AGR2: variants seen among roughly 807,000 people sequenced by gnomAD.
AGR2 encodes anterior gradient 2, protein disulphide isomerase family member, also known as anterior gradient protein 2 homolog.
Under a neutral mutation model 25.9 loss-of-function variants are expected in AGR2, and 27 were observed. The observed-to-expected ratio is 1.04, with a 90% confidence interval of 0.77 to 1.44. AGR2 has a LOEUF of 1.44. Among genes scored for constraint, AGR2 ranks in the 40% most tolerant of loss-of-function variants. The pLI is 0.00. For synonymous variants in AGR2, 78 were observed against 72.0 expected, an observed-to-expected ratio of 1.08 and a Z score of -0.42; for missense variants, 182 against 200.9, an observed-to-expected ratio of 0.91 and a Z score of 0.57.
chr7:16,796,365 C>G lies in AGR2; in HGVS notation c.394+1266G>C, dbSNP rs563901450. Among the ~76,000 whole-genome samples, 22 of 152,342 alleles carry G rather than the reference C, an allele frequency of 1.4e-4. No homozygotes were observed. The East Asian group carries it at 3.9e-3, about 27-fold the overall frequency. On this transcript the variant is annotated intron_variant, in intron 6 of 7. Coordinates refer to ENST00000419304, the MANE Select transcript of AGR2 (RefSeq NM_006408.4). ...GTTAGGATTCCAAATGTCCTAAATT[C>G]TGACAAAACTAAACCTATAAAATTA...
chr7:16,802,657 G>C (rs1039473595), intron 1 of AGR2, among the ~76,000 whole-genome samples: 2 of 151,962 alleles, frequency 1.3e-5, no homozygotes, highest in Non-Finnish European at 2.9e-5. Context: ...TGTAAGTTGG[G>C]ACTGTTTGTA....
At chr7:16,803,778 C>G (rs1207744493) in intron 1 of AGR2, among the ~76,000 whole-genome samples, 1 of 152,100 alleles carries the variant, frequency 6.6e-6, no homozygotes, top group African/African-American at 2.4e-5. Context: ...ATAAAGACTT[C>G]TTTGTAATGT....
intron 7 of AGR2, chr7:16,794,656 C>G: frequency 1.4e-6 from 1 of 697,030 alleles, no homozygotes; most frequent in Non-Finnish European, 2.3e-6. Flanking sequence ...GTGTACCTAA[C>G]AGAAAACCTG....
intron 4 of AGR2, 43 bp from the exon 5 acceptor site, chr7:16,799,860 G>C (rs1406651126): frequency 2.2e-6 from 3 of 1,334,140 alleles, no homozygotes; most frequent in Non-Finnish European, 3.2e-6. Flanking sequence ...TCTTAGCATT[G>C]GTTAAAAGCT....
At chr7:16,794,806 G>C (rs1202023666) in intron 7 of AGR2, 130 bp downstream of exon 7, 1 of 1,546,458 alleles carries the variant, frequency 6.5e-7, no homozygotes, top group South Asian at 1.2e-5. Context: ...GGCTAGTTAG[G>C]GTCAAACTGA....
intron 7 of AGR2, 81 bp downstream of exon 7, chr7:16,794,855 C>G (rs868230983): frequency 6.2e-7 from 1 of 1,600,854 alleles, no homozygotes; most frequent in Middle Eastern, 1.7e-4. Context: ...TCTCACCTCA[C>G]CATGCAGCCT....
intron 5 of AGR2, among the ~76,000 whole-genome samples, chr7:16,799,409 A>G (rs1157057182): frequency 6.6e-6 from 1 of 152,174 alleles, no homozygotes; most frequent in African/African-American, 2.4e-5. Context: ...TCTCTTCCCA[A>G]GAGATGACCA....
chr7:16,794,594 C>T, intron 7 of AGR2: 3 of 458,886 alleles, frequency 6.5e-6, no homozygotes, highest in East Asian at 6.6e-5. Flanking sequence ...TTAAGACATG[C>T]AGATTATTAC....
At position 16,804,779 on chromosome 7, in the gene AGR2, T is replaced by C. The variant is rs186880333; in HGVS notation, c.-8+156A>G. Reference sequence around the variant, plus strand: ...CAAAGAAAGGCCCCAGTAAGACTTTTGTGGAAATTCCATGATTTCCCTTCC... The same window carrying C: ...CAAAGAAAGGCCCCAGTAAGACTTTCGTGGAAATTCCATGATTTCCCTTCC... On this transcript the variant is annotated intron_variant, in intron 1 of 7. Coordinates refer to ENST00000419304, the MANE Select transcript of AGR2 (RefSeq NM_006408.4). Among the ~76,000 whole-genome samples, 46 of 152,334 alleles carry C rather than the reference T, an allele frequency of 3.0e-4. No homozygotes were observed. In the East Asian group the frequency reaches 8.5e-3, roughly 28 times the overall value.
At position 16,801,137 on chromosome 7, in the gene AGR2, G is replaced by C. The variant is rs111914630; in HGVS notation, c.256+14C>G. 6.2e-7 allele frequency: 1 copy of C among 1,610,292 alleles called. No homozygotes were observed. The highest frequency in any genetic ancestry group is 1.3e-5 in the African/African-American group (1 of 74,808). ...AAGCCTATAAAGGAAATCATACTTA[G>C]AAGAATAAATTACCTTGACTGTGTG... On this transcript the variant is annotated intron_variant, in intron 4 of 7. Transcript: ENST00000419304.
intron 1 of AGR2, among the ~76,000 whole-genome samples, chr7:16,803,431 C>T (rs1785182509): frequency 6.6e-6 from 1 of 152,192 alleles, no homozygotes. Flanking sequence ...GTCAAATAAA[C>T]TCTGCAAGGA....
chr7:16,796,199 G>A (rs191480180), intron 6 of AGR2, among the ~76,000 whole-genome samples: 1 of 152,282 alleles, frequency 6.6e-6, no homozygotes. Flanking sequence ...GGCTACTACG[G>A]AGCTAGAAGA....
intron 6 of AGR2, among the ~76,000 whole-genome samples, chr7:16,797,088 A>AT (rs36079988): frequency 3.0e-4 from 45 of 150,632 alleles, no homozygotes; most frequent in African/African-American, 8.8e-4. Context: ...CGCCTGGCTA[A>AT]TTTTTTTTTT....
chr7:16,803,203 A>G (rs893106050), intron 1 of AGR2: 1 of 152,146 alleles, frequency 6.6e-6, no homozygotes, highest in East Asian at 1.9e-4. Context: ...ACTAAAGCCT[A>G]TGAAAAGGAA....
intron 7 of AGR2, 27 bp from the exon 8 acceptor site, chr7:16,792,984 C>T (rs371917010): frequency 1.2e-6 from 2 of 1,605,940 alleles, no homozygotes; most frequent in African/African-American, 2.7e-5. Flanking sequence ...GCAGGAGAGT[C>T]AAGACACCAT....
intron 7 of AGR2, among the ~76,000 whole-genome samples, chr7:16,794,192 T>G (rs1159845351): frequency 6.6e-6 from 1 of 152,230 alleles, no homozygotes; most frequent in Non-Finnish European, 1.5e-5. Context: ...TGTCCGGGCA[T>G]TGAGCACTTG....
chr7:16,794,277 A>G (rs1192888800), intron 7 of AGR2, among the ~76,000 whole-genome samples: 1 of 152,238 alleles, frequency 6.6e-6, no homozygotes, highest in Non-Finnish European at 1.5e-5. Flanking sequence ...AATGGTTAAC[A>G]TATTGGACAG....
At chr7:16,797,730 T>G in intron 5 of AGR2, 36 bp from the exon 6 acceptor site, 2 of 1,587,508 alleles carry the variant, frequency 1.3e-6, no homozygotes, top group Non-Finnish European at 8.6e-7. Context: ...TAGTTTACTT[T>G]GACTTTTCAG....
In AGR2 at chr7:16,801,752, G is replaced by T. The variant is rs1785149042; in HGVS notation, c.45C>A (p.Leu15=). 8 of 1,613,476 alleles carry T rather than the reference G, an allele frequency of 5.0e-6. No homozygotes were observed. The East Asian group carries it at 1.8e-4, about 36-fold the overall frequency. ...PVSAFLLLVA[L]SYTLARDTTV... is the part of the protein sequence containing the mutation. ...TGGTATCTCTGGCCAGAGTGTAGGA[G>T]AGGGCCACAAGGAGCAAGAATGCTG... The change falls in exon 2 of 8, where the codon CTC becomes CTA. Residue 15 remains leucine (L), a synonymous_variant. Transcript: ENST00000419304.
Sources: allele counts gnomAD v4.1 joint callset (sites outside exome capture counted in the v4.1 genomes callset), GRCh38; gene constraint gnomAD v4.1.1; transcripts MANE v1.5; gene names NCBI Gene and HGNC (gene_info 2026-07-23, HGNC 2026-07-21).